BBS9: variants seen among roughly 807,000 people sequenced by gnomAD.
BBS9 encodes the protein protein PTHB1.
BBS9 carries 89 observed loss-of-function variants against 117.7 expected under a neutral mutation model. The ratio of observed to expected loss-of-function variants is 0.76; its 90% CI spans 0.64 to 0.90. The LOEUF is 0.90. BBS9 is among the 40% of genes least tolerant of loss of function. The pLI is 0.00. For missense variants in BBS9, 982 were observed against 1,042.2 expected, an observed-to-expected ratio of 0.94 and a Z score of 0.80; for synonymous variants, 379 against 370.9, an observed-to-expected ratio of 1.02 and a Z score of -0.25.
chr7:33,205,336 C>A (rs1179048090), intron 5 of BBS9, among the ~76,000 whole-genome samples: 3 of 152,136 alleles, frequency 2.0e-5, no homozygotes, highest in Non-Finnish European at 4.4e-5. Flanking sequence ...TCTAGACCTC[C>A]TTTTTAACCA....
intron 21 of BBS9, among the ~76,000 whole-genome samples, chr7:33,623,042 GA>G (rs1309626709): frequency 6.6e-6 from 1 of 152,014 alleles, no homozygotes; most frequent in African/African-American, 2.4e-5. Flanking sequence ...TAGCCTAAAA[GA>G]AAAATACTGA....
chr7:33,326,423 C>T (rs73688111), intron 9 of BBS9, among the ~76,000 whole-genome samples: 2,468 of 151,948 alleles, frequency 0.016, 77 homozygotes, highest in African/African-American at 0.057. Context: ...GCTTGCTGTC[C>T]GAGAGCCAAG....
chr7:33,329,107 G>A (rs529472266), intron 9 of BBS9, among the ~76,000 whole-genome samples: 3 of 152,032 alleles, frequency 2.0e-5, no homozygotes, highest in East Asian at 1.9e-4. Context: ...TGCAACCTCC[G>A]CCTCCCGGAT....
At chr7:33,323,899 A>G (rs1036533225) in intron 9 of BBS9, among the ~76,000 whole-genome samples, 3 of 134,296 alleles carry the variant, frequency 2.2e-5, no homozygotes, top group Non-Finnish European at 4.6e-5. Context: ...GTGCAGTGGC[A>G]TGATCTCAGC....
chr7:33,633,180 C>T lies in BBS9; in HGVS notation c.2522-1997C>T, dbSNP rs371948232. Among the ~76,000 whole-genome samples the T allele has an allele frequency of 9.8e-5, 15 of 152,300 alleles. No individual in the cohort carries two copies. In the East Asian group the frequency reaches 2.7e-3, roughly 27 times the overall value. ...CTCACACAACATTCCTTTCTTTACA[C>T]TTCTTACTTCTGATTTGATTGAATT... On this transcript the variant is annotated intron_variant, in intron 21 of 21. Transcript: ENST00000671952.
Position 33,541,955 on chromosome 7 carries a change from A to AGAC in BBS9, c.2521+7779_2521+7780insGAC, listed in dbSNP as rs1852377791. On this transcript the variant is annotated intron_variant, in intron 21 of 22. Transcript: ENST00000242067. ...ATTATATCTCAATAAACTTGTTTAAAAACATTTTTTAGTGTAAAGATAAAA... is the reference window on the plus strand; with the variant it reads ...ATTATATCTCAATAAACTTGTTTAAAGACAACATTTTTTAGTGTAAAGATAAAA... 5.9e-5 allele frequency among the ~76,000 whole-genome samples: 9 copies of AGAC among 151,866 alleles called. No individual in the cohort carries two copies. In the South Asian group the frequency reaches 1.5e-3, roughly 24 times the overall value.
intron 17 of BBS9, among the ~76,000 whole-genome samples, chr7:33,373,863 C>T (rs1384317845): frequency 6.6e-6 from 1 of 151,982 alleles, no homozygotes; most frequent in African/African-American, 2.4e-5. Context: ...AATGGTTGGG[C>T]CTTGAAATAG....
intron 19 of BBS9, among the ~76,000 whole-genome samples, chr7:33,444,451 T>C (rs1197591221): frequency 6.6e-6 from 1 of 152,222 alleles, no homozygotes; most frequent in African/African-American, 2.4e-5. Flanking sequence ...GCTGCCATAA[T>C]GAACAGCTTA....
chr7:33,383,698 G>A lies in BBS9; in HGVS notation c.1822G>A (p.Asp608Asn). 1 of 1,610,050 alleles carries A rather than the reference G, an allele frequency of 6.2e-7. No individual in the cohort carries two copies. Among genetic ancestry groups the A allele is most frequent in the South Asian group, 1.1e-5 (1 of 90,458 alleles). Residue 608 changes from aspartate (D) to asparagine (N), a missense_variant, in exon 18 of 23, where the codon GAT becomes AAT. Physicochemically the swap from Asp to Asn is conservative, Grantham distance 23 (BLOSUM62 1). Coordinates refer to ENST00000242067, the MANE Select transcript of BBS9 (RefSeq NM_198428.3). ...RYRIQSEQFE[D>N]LWLITNELIL... The stretch of plus-strand genomic sequence containing the variant: ...TCGCATTCAGAGTGAACAATTTGAA[G>A]ATCTTTGGCTCATAACCAATGAGCT...
At chr7:33,458,815 C>T (rs576831924) in intron 19 of BBS9, among the ~76,000 whole-genome samples, 1 of 152,234 alleles carries the variant, frequency 6.6e-6, no homozygotes, top group African/African-American at 2.4e-5. Context: ...TCTTTTAGTA[C>T]TCTGGGCTCA....
intron 19 of BBS9, among the ~76,000 whole-genome samples, chr7:33,488,867 A>C (rs978963724): frequency 9.2e-5 from 14 of 152,114 alleles, no homozygotes; most frequent in Non-Finnish European, 1.2e-4. Flanking sequence ...TCACCAAGAA[A>C]AGTAGTTTTC....
At chr7:33,332,280 C>T (rs1253362213) in intron 9 of BBS9, among the ~76,000 whole-genome samples, 1 of 152,134 alleles carries the variant, frequency 6.6e-6, no homozygotes, top group African/African-American at 2.4e-5. Context: ...TCTTATCTCC[C>T]ACCTTATACA....
At chr7:33,411,127 T>C (rs1831073599) in intron 19 of BBS9, among the ~76,000 whole-genome samples, 1 of 151,576 alleles carries the variant, frequency 6.6e-6, no homozygotes, top group African/African-American at 2.4e-5. Flanking sequence ...AAAGGATGCC[T>C]GGAACATGTG....
At chr7:33,503,757 G>A (rs930969581) in intron 19 of BBS9, among the ~76,000 whole-genome samples, 4 of 147,754 alleles carry the variant, frequency 2.7e-5, no homozygotes, top group Non-Finnish European at 6.0e-5. Flanking sequence ...AAGAAAAAGA[G>A]TATAAACTCA....
intron 5 of BBS9, among the ~76,000 whole-genome samples, chr7:33,221,249 G>A (rs1790188199): frequency 6.6e-6 from 1 of 152,030 alleles, no homozygotes; most frequent in African/African-American, 2.4e-5. Flanking sequence ...TTTCTTTCTT[G>A]AGATCAGAGA....
intron 19 of BBS9, among the ~76,000 whole-genome samples, chr7:33,429,779 A>G (rs1834169415): frequency 6.6e-6 from 1 of 152,144 alleles, no homozygotes; most frequent in African/African-American, 2.4e-5. Flanking sequence ...TGTAATTTCA[A>G]TATTGATTTA....
chr7:33,246,099 A>C (rs1476829424), intron 5 of BBS9, among the ~76,000 whole-genome samples: 1 of 152,158 alleles, frequency 6.6e-6, no homozygotes, highest in African/African-American at 2.4e-5. Context: ...TGGTATTTTA[A>C]CTACTTCCCT....
chr7:33,494,931 A>T (rs1186255004), intron 19 of BBS9, among the ~76,000 whole-genome samples: 1 of 152,140 alleles, frequency 6.6e-6, no homozygotes, highest in Non-Finnish European at 1.5e-5. Context: ...AGCTCTCCTC[A>T]TTGCCTTTTG....
chr7:33,507,237 T>C (rs571711701), intron 20 of BBS9, among the ~76,000 whole-genome samples: 23 of 152,280 alleles, frequency 1.5e-4, no homozygotes, highest in Non-Finnish European at 1.9e-4. Context: ...TTTGTTTGTT[T>C]GTTTGTTTGT....
Sources: allele counts gnomAD v4.1 joint callset (sites outside exome capture counted in the v4.1 genomes callset), GRCh38; gene constraint gnomAD v4.1.1; transcripts MANE v1.5; gene names NCBI Gene and HGNC (gene_info 2026-07-23, HGNC 2026-07-21).